The following MED13L variants were observed in gnomAD, a reference collection of about 807,000 sequenced individuals.
MED13L encodes mediator of RNA polymerase II transcription subunit 13-like.
MED13L carries 7 observed loss-of-function variants against 220.9 expected under a neutral mutation model. That is an observed-to-expected ratio of 0.03 (90% CI 0.02 to 0.06). MED13L has a LOEUF of 0.06. MED13L is among the 10% of genes least tolerant of loss of function. The probability of loss-of-function intolerance (pLI) is 1.00; values close to 1 mark genes in which losing one functional copy is unlikely to be tolerated. For synonymous variants in MED13L, 1,011 were observed against 1,015.2 expected, an observed-to-expected ratio of 1.00 and a Z score of 0.08; for missense variants, 1,965 against 2,760.5, an observed-to-expected ratio of 0.71 and a Z score of 6.46.
At chr12:116,107,281 T>G (rs895902095) in intron 3 of MED13L, among the ~76,000 whole-genome samples, 4 of 152,208 alleles carry the variant, frequency 2.6e-5, no homozygotes, top group African/African-American at 9.7e-5. Context: ...GCAGTGATCT[T>G]TTCGGTGTTT....
At chr12:116,011,628 G>A (rs1030042676) in intron 9 of MED13L, among the ~76,000 whole-genome samples, 2 of 152,282 alleles carry the variant, frequency 1.3e-5, no homozygotes, top group East Asian at 3.9e-4. Flanking sequence ...CAATTCACAA[G>A]AGCCTAGAGA....
chr12:116,057,788 C>A (rs562312156), intron 4 of MED13L, among the ~76,000 whole-genome samples: 13 of 151,942 alleles, frequency 8.6e-5, no homozygotes, highest in Non-Finnish European at 1.6e-4. Context: ...CTCAGATATT[C>A]AAAAACTTGG....
intron 4 of MED13L, among the ~76,000 whole-genome samples, chr12:116,078,703 A>G (rs1871007065): frequency 6.6e-6 from 1 of 152,214 alleles, no homozygotes; most frequent in African/African-American, 2.4e-5. Flanking sequence ...CAGAGCCCAT[A>G]TACCCTACAA....
chr12:116,132,077 G>A lies in MED13L; in HGVS notation c.311-20565C>T, dbSNP rs183997348. On this transcript the variant is annotated intron_variant, in intron 2 of 30. Coordinates refer to ENST00000281928, the MANE Select transcript of MED13L (RefSeq NM_015335.5). ...GCGGATCACCTGAGGTCAGGAGTTC[G>A]AGATCAGCCTGGCCAACACTGTGAA... Among the ~76,000 whole-genome samples the A allele has an allele frequency of 3.6e-4, 55 of 152,106 alleles. 2 individuals carry two copies. Among genetic ancestry groups the A allele is most frequent in the East Asian group, 1.9e-4 (1 of 5,166 alleles).
At chr12:116,099,329 T>C (rs1329133461) in intron 3 of MED13L, among the ~76,000 whole-genome samples, 1 of 152,228 alleles carries the variant, frequency 6.6e-6, no homozygotes, top group Admixed American at 6.5e-5. Context: ...ATAATGCTTC[T>C]TTAGTCTCCA....
intron 4 of MED13L, among the ~76,000 whole-genome samples, chr12:116,038,831 T>C (rs1397730718): frequency 2.0e-5 from 3 of 151,296 alleles, no homozygotes; most frequent in Admixed American, 1.3e-4. Flanking sequence ...TATAGAACGT[T>C]ATTTCCCCAT....
chr12:115,986,545 A>G, intron 18 of MED13L, 56 bp from the exon 19 acceptor site: 1 of 1,518,866 alleles, frequency 6.6e-7, no homozygotes, highest in East Asian at 2.3e-5. Context: ...ACAACCTTAC[A>G]ATTTTGAAAT....
intron 14 of MED13L, among the ~76,000 whole-genome samples, chr12:116,002,333 T>C (rs1320650098): frequency 6.6e-6 from 1 of 152,212 alleles, no homozygotes; most frequent in Non-Finnish European, 1.5e-5. Context: ...TGGTGGTTTT[T>C]CCCCTCAATT....
At chr12:116,061,075 A>G (rs963371869) in intron 4 of MED13L, among the ~76,000 whole-genome samples, 6 of 152,178 alleles carry the variant, frequency 3.9e-5, no homozygotes, top group African/African-American at 1.2e-4. Flanking sequence ...ATGCTTCTAT[A>G]TGAGGTCTCA....
At chr12:116,056,201 T>C (rs1868957705) in intron 4 of MED13L, among the ~76,000 whole-genome samples, 1 of 152,102 alleles carries the variant, frequency 6.6e-6, no homozygotes, top group Admixed American at 6.6e-5. Context: ...CTGGCTTTAG[T>C]ACACCACAAC....
At chr12:116,055,179 A>AT (rs1868845869) in intron 4 of MED13L, among the ~76,000 whole-genome samples, 1 of 152,210 alleles carries the variant, frequency 6.6e-6, no homozygotes, top group African/African-American at 2.4e-5. Context: ...AAAAAGAGGC[A>AT]TAAGGGGTGC....
At chr12:116,024,688 T>C (rs552891417) in intron 4 of MED13L, among the ~76,000 whole-genome samples, 17 of 149,688 alleles carry the variant, frequency 1.1e-4, no homozygotes, top group Admixed American at 4.8e-4. Context: ...GTTTTATTTT[T>C]AAAATCCTTG....
intron 4 of MED13L, among the ~76,000 whole-genome samples, chr12:116,078,121 G>A (rs1226607520): frequency 1.5e-5 from 2 of 135,644 alleles, no homozygotes; most frequent in Non-Finnish European, 3.1e-5. Flanking sequence ...CAGCCTGGGC[G>A]ACAGAGTAAG....
At chr12:116,052,417 G>A (rs1868586365) in intron 4 of MED13L, among the ~76,000 whole-genome samples, 1 of 152,180 alleles carries the variant, frequency 6.6e-6, no homozygotes. Context: ...AATTTATTTG[G>A]TTCTGCAGGA....
Position 116,134,354 on chromosome 12 carries a change from G to A in MED13L, c.311-22842C>T, listed in dbSNP as rs185695191. ...AGCACATTATGAACAAAAAGATACA[G>A]ATTCAGTGAAATGAAATGCTGAATT... On this transcript the variant is annotated intron_variant, in intron 2 of 30. Transcript: ENST00000281928. Among the ~76,000 whole-genome samples, 42 of 152,242 alleles carry A rather than the reference G, an allele frequency of 2.8e-4. No individual in the cohort carries two copies. The East Asian group carries it at 7.5e-3, about 27-fold the overall frequency.
At chr12:116,203,070 T>A (rs1882101593) in intron 2 of MED13L, among the ~76,000 whole-genome samples, 1 of 152,164 alleles carries the variant, frequency 6.6e-6, no homozygotes, top group African/African-American at 2.4e-5. Context: ...AATTTCCTCA[T>A]CTACAAAAAC....
chr12:116,071,545 G>A (rs909432307), intron 4 of MED13L, among the ~76,000 whole-genome samples: 1 of 152,214 alleles, frequency 6.6e-6, no homozygotes, highest in South Asian at 2.1e-4. Flanking sequence ...TCCTGCCTCA[G>A]CCTCTCGAGT....
chr12:116,233,798 G>A (rs528488146), intron 2 of MED13L, among the ~76,000 whole-genome samples: 6 of 152,264 alleles, frequency 3.9e-5, no homozygotes, highest in African/African-American at 9.6e-5. Context: ...CCCAGAGCCC[G>A]TGCTCTGAAT....
chr12:116,229,168 G>C (rs1458428113), intron 2 of MED13L, among the ~76,000 whole-genome samples: 1 of 152,048 alleles, frequency 6.6e-6, no homozygotes, highest in Non-Finnish European at 1.5e-5. Context: ...CATCAAACAT[G>C]GCTACACTTA....
Sources: allele counts gnomAD v4.1 joint callset (sites outside exome capture counted in the v4.1 genomes callset), GRCh38; gene constraint gnomAD v4.1.1; transcripts MANE v1.5; gene names NCBI Gene and HGNC (gene_info 2026-07-23, HGNC 2026-07-21).